Variants in CSMD1 observed in about 807,000 individuals in gnomAD.
The protein encoded by CSMD1 is CUB and sushi domain-containing protein 1.
CSMD1 carries 213 observed loss-of-function variants against 417.5 expected under a neutral mutation model. That is an observed-to-expected ratio of 0.51 (90% CI 0.46 to 0.57). The LOEUF (loss-of-function observed/expected upper bound fraction) is 0.57. Ranked by LOEUF, CSMD1 falls within the 20% of genes least tolerant of loss-of-function variation. The pLI, the probability that CSMD1 is intolerant of heterozygous loss-of-function variation, is 0.00. For missense variants in CSMD1, 6,923 were observed against 4,529.7 expected, an observed-to-expected ratio of 1.53 and a Z score of -15.17; for synonymous variants, 2,862 against 1,736.8, an observed-to-expected ratio of 1.65 and a Z score of -16.11.
intron 2 of CSMD1, among the ~76,000 whole-genome samples, chr8:4,633,517 G>T (rs1000735177): frequency 1.3e-5 from 2 of 151,730 alleles, no homozygotes; most frequent in Non-Finnish European, 2.9e-5. Flanking sequence ...CCAAAGTGCT[G>T]GGATTACAGG....
intron 3 of CSMD1, among the ~76,000 whole-genome samples, chr8:4,389,555 T>G (rs1803705397): frequency 6.6e-6 from 1 of 152,128 alleles, no homozygotes; most frequent in African/African-American, 2.4e-5. Context: ...AAATGTTAAT[T>G]TATCAAAAGA....
intron 5 of CSMD1, among the ~76,000 whole-genome samples, chr8:3,865,064 T>C (rs1290112310): frequency 6.6e-6 from 1 of 152,232 alleles, no homozygotes; most frequent in Admixed American, 6.5e-5. Context: ...TTTCTCGGCA[T>C]ATGCCAACAG....
At chr8:3,341,759 G>A (rs769272169) in intron 23 of CSMD1, among the ~76,000 whole-genome samples, 1 of 152,116 alleles carries the variant, frequency 6.6e-6, no homozygotes, top group Admixed American at 6.5e-5. Context: ...GAACTTCCCC[G>A]TAATTAGACA....
chr8:4,085,012 T>C (rs191355411), intron 3 of CSMD1, among the ~76,000 whole-genome samples: 131 of 150,082 alleles, frequency 8.7e-4, no homozygotes, highest in Admixed American at 1.5e-3. Context: ...ATTTAGATTT[T>C]TCCTTATGCA....
chr8:4,642,915 G>A (rs930343928), intron 1 of CSMD1, among the ~76,000 whole-genome samples: 7 of 152,196 alleles, frequency 4.6e-5, no homozygotes, highest in Non-Finnish European at 8.8e-5. Context: ...CAGCCATGCA[G>A]GGAAATGATA....
chr8:3,475,473 A>G (rs918675197), intron 11 of CSMD1, among the ~76,000 whole-genome samples: 15 of 152,354 alleles, frequency 9.8e-5, no homozygotes, highest in Non-Finnish European at 1.6e-4. Flanking sequence ...TATGTTAGGC[A>G]GCATACCAAG....
intron 1 of CSMD1, among the ~76,000 whole-genome samples, chr8:4,840,468 C>T (rs1384104061): frequency 1.3e-5 from 2 of 152,168 alleles, no homozygotes; most frequent in East Asian, 1.9e-4. Flanking sequence ...CGATATAACA[C>T]GTTAGGTCTT....
chr8:3,825,241 C>G (rs1316150289), intron 5 of CSMD1, among the ~76,000 whole-genome samples: 1 of 152,076 alleles, frequency 6.6e-6, no homozygotes, highest in Non-Finnish European at 1.5e-5. Flanking sequence ...ATCAAGAGCC[C>G]TTGAGAGGCC....
chr8:3,863,737 A>C (rs899176845), intron 5 of CSMD1, among the ~76,000 whole-genome samples: 3 of 152,184 alleles, frequency 2.0e-5, no homozygotes, highest in African/African-American at 4.8e-5. Flanking sequence ...TTTTGTTTTC[A>C]TTTCAAATGT....
rs751749929 is a variant in CSMD1 at position 4,031,949 on chromosome 8, G to C, written c.566C>G (p.Pro189Arg). 1.6e-5 allele frequency: 26 copies of C among 1,613,800 alleles called. 1 individual carries two copies. In the East Asian group the frequency reaches 4.7e-4, roughly 29 times the overall value. The stretch of plus-strand genomic sequence containing the variant: ...GAAGTCCCACGATGCACCATTTCCT[G>C]GGCTGACGATGCAGGTCAGGATGGC... Reference protein sequence around the residue: ...GHAILTCIVSPGNGASWDFPA... With the variant: ...GHAILTCIVSRGNGASWDFPA... Residue 189 changes from proline to arginine, a missense_variant, in exon 4 of 70, where the codon CCA (proline) becomes CGA (arginine). Transcript: ENST00000635120.
chr8:4,111,137 C>A (rs57123478), intron 3 of CSMD1, among the ~76,000 whole-genome samples: 17,645 of 152,078 alleles, frequency 0.12, 1,299 homozygotes, highest in African/African-American at 0.2. Context: ...TGGTTTGGTT[C>A]GTACACTCTA....
chr8:4,056,019 A>G (rs1242990919), intron 3 of CSMD1, among the ~76,000 whole-genome samples: 1 of 146,770 alleles, frequency 6.8e-6, no homozygotes, highest in African/African-American at 2.5e-5. Flanking sequence ...GTCTACACAG[A>G]TTTCCTCCTG....
At chr8:4,392,304 C>T (rs373464423) in intron 3 of CSMD1, among the ~76,000 whole-genome samples, 7 of 152,194 alleles carry the variant, frequency 4.6e-5, no homozygotes, top group African/African-American at 1.2e-4. Flanking sequence ...AAAACACAAG[C>T]GGCAGGTTTT....
chr8:4,448,206 C>G (rs56195921), intron 2 of CSMD1, among the ~76,000 whole-genome samples: 1 of 152,160 alleles, frequency 6.6e-6, no homozygotes, highest in African/African-American at 2.4e-5. Flanking sequence ...TTTTTTAACA[C>G]TGAAAATATT....
chr8:4,929,723 G>C (rs1273291925), intron 1 of CSMD1, among the ~76,000 whole-genome samples: 1 of 152,120 alleles, frequency 6.6e-6, no homozygotes, highest in Non-Finnish European at 1.5e-5. Context: ...GCCCGCACTT[G>C]ACAAATGGGG....
intron 7 of CSMD1, among the ~76,000 whole-genome samples, chr8:3,633,818 T>C (rs1287538558): frequency 6.6e-6 from 1 of 152,158 alleles, no homozygotes; most frequent in Non-Finnish European, 1.5e-5. Flanking sequence ...GCATAGCTTG[T>C]AACCAGCTAT....
At chr8:3,061,810 C>G (rs1311001783) in intron 49 of CSMD1, among the ~76,000 whole-genome samples, 1 of 152,166 alleles carries the variant, frequency 6.6e-6, no homozygotes, top group Non-Finnish European at 1.5e-5. Flanking sequence ...TTCATTTAAT[C>G]TTGGTAACAC....
intron 23 of CSMD1, among the ~76,000 whole-genome samples, chr8:3,315,476 C>G (rs1563263876): frequency 9.5e-6 from 1 of 105,430 alleles, no homozygotes; most frequent in African/African-American, 3.2e-5. Context: ...TTTAAACTAT[C>G]TTTTAAATTA....
intron 23 of CSMD1, among the ~76,000 whole-genome samples, chr8:3,341,855 C>T (rs183593496): frequency 1.3e-3 from 197 of 152,126 alleles, no homozygotes; most frequent in African/African-American, 4.5e-3. Context: ...GGCAAGGAAG[C>T]GGGGATGAAG....
Sources: gnomAD v4.1 joint callset for allele counts (sites outside exome capture counted in the v4.1 genomes callset) on GRCh38, gnomAD v4.1.1 for gene constraint, MANE v1.5 for transcripts, NCBI Gene and HGNC (gene_info 2026-07-23, HGNC 2026-07-21) for gene names.